TMC1: variants seen among roughly 807,000 people sequenced by gnomAD.
TMC1 encodes the protein transmembrane channel-like protein 1.
In TMC1, 84 loss-of-function variants were observed where a neutral mutation model predicts 105.8. The observed-to-expected ratio is 0.79, with a 90% CI of 0.67 to 0.95. TMC1 has a LOEUF of 0.95. Among genes scored for constraint, TMC1 ranks in the 40% least tolerant of loss-of-function variants. TMC1 has a pLI of 0.00. For missense variants in TMC1, 817 were observed against 914.1 expected, an observed-to-expected ratio of 0.89 and a Z score of 1.37; for synonymous variants, 315 against 311.5, an observed-to-expected ratio of 1.01 and a Z score of -0.12.
intron 4 of TMC1, among the ~76,000 whole-genome samples, chr9:72,635,964 G>T (rs1280287847): frequency 6.6e-6 from 1 of 152,148 alleles, no homozygotes; most frequent in African/African-American, 2.4e-5. Flanking sequence ...CTCCCTTTAT[G>T]CTGGGAAATC....
At chr9:72,604,875 A>G (rs770378451) in intron 2 of TMC1, among the ~76,000 whole-genome samples, 1 of 152,252 alleles carries the variant, frequency 6.6e-6, no homozygotes, top group Non-Finnish European at 1.5e-5. Flanking sequence ...CATGAGGAAC[A>G]TAGAATAATA....
intron 13 of TMC1, among the ~76,000 whole-genome samples, chr9:72,774,108 T>C (rs1827971840): frequency 6.6e-6 from 1 of 152,174 alleles, no homozygotes; most frequent in South Asian, 2.1e-4. Flanking sequence ...GCCAGCATGG[T>C]AGGAGTTGAG....
intron 6 of TMC1, among the ~76,000 whole-genome samples, chr9:72,693,347 C>A (rs1663743): frequency 0.51 from 77,902 of 151,918 alleles, 21,288 homozygotes; most frequent in African/African-American, 0.73. Context: ...TTCAAAGGAA[C>A]GTCCAAAGAA....
chr9:72,788,273 T>A (rs1828202987), intron 13 of TMC1, 66 bp from the exon 14 acceptor site: 11 of 1,570,890 alleles, frequency 7.0e-6, no homozygotes, highest in Non-Finnish European at 9.6e-6. Context: ...CTCATGATCA[T>A]GTTTTGTTGC....
intron 1 of TMC1, among the ~76,000 whole-genome samples, chr9:72,542,115 G>T (rs1402420603): frequency 1.3e-5 from 2 of 152,108 alleles, no homozygotes; most frequent in Non-Finnish European, 2.9e-5. Context: ...CTTGAGGCCA[G>T]AAGTTTGAAA....
chr9:72,548,473 C>T (rs1823807505), intron 1 of TMC1, among the ~76,000 whole-genome samples: 1 of 151,274 alleles, frequency 6.6e-6, no homozygotes, highest in African/African-American at 2.4e-5. Context: ...ACTTGGGAGG[C>T]TGAGGCAGGA....
At chr9:72,715,644 CAGTT>C (rs1826904350) in intron 8 of TMC1, among the ~76,000 whole-genome samples, 1 of 152,076 alleles carries the variant, frequency 6.6e-6, no homozygotes, top group Non-Finnish European at 1.5e-5. Flanking sequence ...CTGGTTATTT[CAGTT>C]AGCAATTTGT....
chr9:72,711,404 T>G (rs576869599), intron 8 of TMC1, among the ~76,000 whole-genome samples: 1 of 152,362 alleles, frequency 6.6e-6, no homozygotes, highest in African/African-American at 2.4e-5. Context: ...AGCATTCCTA[T>G]TTCTCCACAT....
chr9:72,615,391 C>T (rs1825109874), intron 2 of TMC1, among the ~76,000 whole-genome samples: 1 of 152,148 alleles, frequency 6.6e-6, no homozygotes, highest in Non-Finnish European at 1.5e-5. Flanking sequence ...TTTTCAACCA[C>T]TCTCTGAGAC....
chr9:72,548,906 G>T (rs1239686625), intron 1 of TMC1, among the ~76,000 whole-genome samples: 1 of 152,154 alleles, frequency 6.6e-6, no homozygotes, highest in Non-Finnish European at 1.5e-5. Flanking sequence ...CTCCAGCTCT[G>T]GGTACACACA....
intron 2 of TMC1, among the ~76,000 whole-genome samples, chr9:72,602,363 G>T (rs1824831813): frequency 7.0e-6 from 1 of 143,020 alleles, no homozygotes; most frequent in South Asian, 2.2e-4. Context: ...TCTCCTATTG[G>T]TGATTTTTTT....
At chr9:72,663,220 G>A (rs1337127853) in intron 5 of TMC1, among the ~76,000 whole-genome samples, 1 of 152,168 alleles carries the variant, frequency 6.6e-6, no homozygotes, top group Non-Finnish European at 1.5e-5. Flanking sequence ...CCTTTTCTTA[G>A]TTCCTGCTTA....
chr9:72,630,492 T>C (rs2132135032), intron 4 of TMC1, among the ~76,000 whole-genome samples: 1 of 152,298 alleles, frequency 6.6e-6, no homozygotes, highest in African/African-American at 2.4e-5. Context: ...ATTAGAAATA[T>C]TTACTGCAGG....
At position 72,702,294 on chromosome 9, in the gene TMC1, C is replaced by T. The variant is rs73474999; in HGVS notation, c.362+1651C>T. ...ACTGCATGGAGGTGTAGAAATACCCCCCTGGTCTTTGCCCGTATCTCTCGT... is the reference window on the plus strand; with the variant it reads ...ACTGCATGGAGGTGTAGAAATACCCTCCTGGTCTTTGCCCGTATCTCTCGT... On this transcript the variant is annotated intron_variant, in intron 8 of 23. Coordinates refer to ENST00000297784, the MANE Select transcript of TMC1 (RefSeq NM_138691.3). Among the ~76,000 whole-genome samples the T allele has an allele frequency of 3.3e-5, 5 of 152,196 alleles. No individual in the cohort carries two copies. In the South Asian group the frequency reaches 1.0e-3, roughly 31 times the overall value.
intron 18 of TMC1, among the ~76,000 whole-genome samples, chr9:72,806,551 G>A (rs1365833282): frequency 6.7e-6 from 1 of 148,482 alleles, no homozygotes; most frequent in South Asian, 2.1e-4. Flanking sequence ...AGACGGGGCA[G>A]TTGCCGGGCA....
At chr9:72,608,926 G>T (rs1262007995) in intron 2 of TMC1, among the ~76,000 whole-genome samples, 2 of 151,506 alleles carry the variant, frequency 1.3e-5, no homozygotes, top group East Asian at 3.9e-4. Context: ...CTGCCTTCAC[G>T]ACTGCAGTCA....
At chr9:72,730,130 C>T (rs551328656) in intron 8 of TMC1, among the ~76,000 whole-genome samples, 1 of 152,226 alleles carries the variant, frequency 6.6e-6, no homozygotes, top group African/African-American at 2.4e-5. Flanking sequence ...TTTCTTCCTC[C>T]CTTGACCTAC....
intron 8 of TMC1, among the ~76,000 whole-genome samples, chr9:72,715,149 TC>T (rs1326393162): frequency 1.3e-5 from 2 of 152,210 alleles, no homozygotes; most frequent in African/African-American, 4.8e-5. Flanking sequence ...CTGATGGGCT[TC>T]CCTTTGTGGG....
chr9:72,569,664 G>T (rs1824235638), intron 1 of TMC1, among the ~76,000 whole-genome samples: 1 of 152,168 alleles, frequency 6.6e-6, no homozygotes, highest in Non-Finnish European at 1.5e-5. Flanking sequence ...AGATGACGGG[G>T]CTACAGTGTG....
Sources: gnomAD v4.1 joint callset for allele counts (sites outside exome capture counted in the v4.1 genomes callset) on GRCh38, gnomAD v4.1.1 for gene constraint, MANE v1.5 for transcripts, NCBI Gene and HGNC (gene_info 2026-07-23, HGNC 2026-07-21) for gene names.